Variants in PTPN3 observed in about 807,000 individuals in gnomAD.
PTPN3 encodes protein tyrosine phosphatase non-receptor type 3, also known as tyrosine-protein phosphatase non-receptor type 3.
In PTPN3, 96 loss-of-function variants were observed where a neutral mutation model predicts 132.7. That is an observed-to-expected ratio of 0.72 (90% CI 0.61 to 0.86). PTPN3 has a LOEUF of 0.86. Among genes scored for constraint, PTPN3 ranks in the 40% least tolerant of loss-of-function variants. The probability of loss-of-function intolerance (pLI) is 0.00; values close to 1 mark genes in which losing one functional copy is unlikely to be tolerated. For synonymous variants in PTPN3, 398 were observed against 429.0 expected, an observed-to-expected ratio of 0.93 and a Z score of 0.89; for missense variants, 1,125 against 1,159.6, an observed-to-expected ratio of 0.97 and a Z score of 0.43.
intron 22 of PTPN3, among the ~76,000 whole-genome samples, chr9:109,386,370 T>A (rs1199228897): frequency 2.0e-5 from 3 of 152,200 alleles, no homozygotes; most frequent in Non-Finnish European, 4.4e-5. Flanking sequence ...GAAGGCTTCA[T>A]GGTGAAAAGC....
chr9:109,484,474 A>G (rs1847120104), intron 1 of PTPN3, among the ~76,000 whole-genome samples: 1 of 152,222 alleles, frequency 6.6e-6, no homozygotes, highest in South Asian at 2.1e-4. Flanking sequence ...CTCTGTGGAA[A>G]CTTGGAGCTG....
At chr9:109,404,368 C>T (rs1841384510) in intron 19 of PTPN3, 80 bp downstream of exon 19, 7 of 1,080,884 alleles carry the variant, frequency 6.5e-6, no homozygotes, top group Non-Finnish European at 5.0e-6. Flanking sequence ...GTGTCTCTGC[C>T]TCATTTCCTC....
chr9:109,383,326 A>T, intron 23 of PTPN3, 97 bp downstream of exon 23: 1 of 1,599,418 alleles, frequency 6.3e-7, no homozygotes, highest in East Asian at 2.2e-5. Context: ...TGCCAGGTGC[A>T]AACAGAGTGC....
rs1234737632 is a variant in PTPN3 at position 109,438,144 on chromosome 9, G to T, written c.557C>A (p.Thr186Lys). ...FIPDQNEDFL[T>K]KVESLHEQHS... ...CTGCTCATGCAGAGATTCGACTTTT[G>T]TTAAAAAGTCCTCATTTTGATCGGG... The change falls in exon 8 of 26, where the codon ACA (threonine) becomes AAA (lysine). Residue 186 changes from threonine (T) to lysine (K), a missense_variant. Coordinates refer to ENST00000374541, the MANE Select transcript of PTPN3 (RefSeq NM_002829.4). The T allele has an allele frequency of 6.2e-7, 1 of 1,613,908 alleles. No homozygotes were observed. Among genetic ancestry groups the T allele is most frequent in the Non-Finnish European group, 8.5e-7 (1 of 1,179,902 alleles).
At chr9:109,527,720 T>C in the PTPN3 span, among the ~76,000 whole-genome samples, 3 of 152,190 alleles carry the variant, frequency 2.0e-5, no homozygotes, top group East Asian at 3.8e-4. Flanking sequence ...GAAAGTATCA[T>C]ATGTACCCTT....
chr9:109,409,260 C>A (rs530448076), intron 16 of PTPN3, among the ~76,000 whole-genome samples: 14 of 152,192 alleles, frequency 9.2e-5, no homozygotes, highest in African/African-American at 3.1e-4. Flanking sequence ...GGTGGCCCTG[C>A]AGGTTGAACT....
intron 25 of PTPN3, among the ~76,000 whole-genome samples, chr9:109,380,851 A>C (rs1839015090): frequency 6.6e-6 from 1 of 152,138 alleles, no homozygotes; most frequent in Admixed American, 6.5e-5. Context: ...TTACCAGAGA[A>C]GACACTTCTC....
At chr9:109,431,030 C>T (rs1260489354) in intron 10 of PTPN3, among the ~76,000 whole-genome samples, 2 of 152,268 alleles carry the variant, frequency 1.3e-5, no homozygotes, top group Admixed American at 1.3e-4. Flanking sequence ...CTTGCCCATG[C>T]ACCTCCCTTG....
At chr9:109,384,541 T>C (rs1256114437) in intron 22 of PTPN3, among the ~76,000 whole-genome samples, 11 of 152,286 alleles carry the variant, frequency 7.2e-5, no homozygotes, top group Admixed American at 6.5e-4. Flanking sequence ...CCAGTTTCTA[T>C]CCCTGCTTCT....
At position 109,389,232 on chromosome 9, in the gene PTPN3, C is replaced by G; in HGVS notation, c.2253+1G>C. On this transcript the variant is annotated splice_donor_variant, in intron 22 of 25. Transcript: ENST00000374541. LOFTEE classifies it high-confidence loss of function. The stretch of plus-strand genomic sequence containing the variant: ...TCTGAATTAGAAATCAAGCTACTTA[C>G]CCGCCCTCGTTCTGTGAGAGTCGTC... 1.2e-6 allele frequency: 2 copies of G among 1,613,960 alleles called. No individual in the cohort carries two copies.
chr9:109,510,265 A>C, the PTPN3 span, among the ~76,000 whole-genome samples: 8 of 152,250 alleles, frequency 5.3e-5, no homozygotes, highest in East Asian at 1.5e-3. Context: ...TAATTGCCAA[A>C]AAATATGTAA....
the PTPN3 span, among the ~76,000 whole-genome samples, chr9:109,515,184 A>C: frequency 5.3e-5 from 8 of 152,076 alleles, no homozygotes; most frequent in Admixed American, 1.3e-4. Flanking sequence ...CACTATGCCT[A>C]GCTAATTTTT....
At chr9:109,390,045 G>T (rs758828646) in intron 21 of PTPN3, among the ~76,000 whole-genome samples, 1 of 152,210 alleles carries the variant, frequency 6.6e-6, no homozygotes, top group Non-Finnish European at 1.5e-5. Context: ...GCAAGGTAAA[G>T]GAAGGCTTCT....
At chr9:109,379,994 T>C (rs1838905599) in intron 25 of PTPN3, among the ~76,000 whole-genome samples, 1 of 152,100 alleles carries the variant, frequency 6.6e-6, no homozygotes, top group Non-Finnish European at 1.5e-5. Context: ...ACTCAACACC[T>C]AGGCATGTGG....
intron 10 of PTPN3, among the ~76,000 whole-genome samples, chr9:109,432,776 T>C (rs372268713): frequency 4.6e-5 from 7 of 152,336 alleles, no homozygotes; most frequent in African/African-American, 1.4e-4. Flanking sequence ...TTCTGACCAA[T>C]GTACTGCCCA....
intron 4 of PTPN3, among the ~76,000 whole-genome samples, chr9:109,454,999 G>A (rs1197347836): frequency 1.3e-5 from 2 of 152,198 alleles, no homozygotes; most frequent in Admixed American, 1.3e-4. Context: ...ATGACTATGA[G>A]TGGGCTACGC....
At chr9:109,430,540 T>C (rs537073685) in intron 10 of PTPN3, among the ~76,000 whole-genome samples, 22 of 142,332 alleles carry the variant, frequency 1.5e-4, no homozygotes, top group Non-Finnish European at 3.0e-4. Flanking sequence ...CACTCATTTA[T>C]AAGAAAAAAA....
chr9:109,511,206 G>A, the PTPN3 span, among the ~76,000 whole-genome samples: 7 of 152,072 alleles, frequency 4.6e-5, no homozygotes, highest in Non-Finnish European at 1.0e-4. Flanking sequence ...CAATCCTGCT[G>A]AGTCCTAAAA....
the PTPN3 span, among the ~76,000 whole-genome samples, chr9:109,505,019 C>T: frequency 6.7e-3 from 1,025 of 152,288 alleles, 11 homozygotes; most frequent in African/African-American, 0.023. Context: ...AATAGTCATA[C>T]AGTGGTCATG....
Sources: allele counts gnomAD v4.1 joint callset (sites outside exome capture counted in the v4.1 genomes callset), GRCh38; gene constraint gnomAD v4.1.1; transcripts MANE v1.5; gene names NCBI Gene and HGNC (gene_info 2026-07-23, HGNC 2026-07-21).